Variants in FILIP1 observed in about 807,000 individuals in gnomAD.
The protein encoded by FILIP1 is filamin A interacting protein 1, also known as filamin-A-interacting protein 1.
Under a neutral mutation model 102.1 loss-of-function variants are expected in FILIP1, and 61 were observed. That is an observed-to-expected ratio of 0.60 (90% confidence interval 0.49 to 0.74). FILIP1 has a LOEUF of 0.74. FILIP1 is among the 30% of genes least tolerant of loss of function. The probability of loss-of-function intolerance (pLI) is 0.00; values close to 1 mark genes in which losing one functional copy is unlikely to be tolerated. For synonymous variants in FILIP1, 491 were observed against 526.9 expected (o/e 0.93, Z 0.93); for missense variants, 1,314 against 1,441.2 (o/e 0.91, Z 1.43).
Position 75,314,732 on chromosome 6 carries a change from G to A in FILIP1, c.1100C>T (p.Ala367Val), listed in dbSNP as rs770077609. ...EELQELRDKI[A>V]KGECGNSSLM... Reference sequence around the variant, plus strand: ...GCTAGAGTTTCCACATTCTCCTTTGGCAATTTTATCTCTTAATTCTTGAAG... The same window carrying A: ...GCTAGAGTTTCCACATTCTCCTTTGACAATTTTATCTCTTAATTCTTGAAG... Residue 367 changes from alanine (A) to valine (V), a missense_variant, in exon 5 of 6, where the codon GCC becomes GTC. Ala to Val is a moderately conservative substitution (Grantham distance 64). This residue lies in a region of FILIP1 where 494 missense variants were observed against 511.2 expected (regional missense o/e 0.97). Transcript: ENST00000237172. 5.6e-6 allele frequency: 9 copies of A among 1,613,948 alleles called. No homozygotes were observed. The highest frequency in any genetic ancestry group is 7.6e-6 in the Non-Finnish European group (9 of 1,180,016).
intron 2 of FILIP1, among the ~76,000 whole-genome samples, chr6:75,388,006 A>G (rs890214087): frequency 6.6e-6 from 1 of 152,144 alleles, no homozygotes; most frequent in African/African-American, 2.4e-5. Flanking sequence ...TAGGGTTTTT[A>G]TGGTTTTAGA....
At chr6:75,429,059 T>C (rs752291177) in intron 1 of FILIP1, among the ~76,000 whole-genome samples, 9 of 149,812 alleles carry the variant, frequency 6.0e-5, no homozygotes, top group South Asian at 2.1e-4. Flanking sequence ...TTTATTACTA[T>C]GTTTGCACTA....
Position 75,469,346 on chromosome 6 carries a change from G to A in FILIP1, c.-7+24068C>T, listed in dbSNP as rs146201152. 7.8e-4 allele frequency among the ~76,000 whole-genome samples: 119 copies of A among 152,038 alleles called. 1 individual carries two copies. The highest frequency in any genetic ancestry group is 7.2e-4 in the Non-Finnish European group (49 of 67,900). ...TCAAGTGCTAATTGAATAGCATTTA[G>A]TAGAAAAACACAAATACAATTTATA... On this transcript the variant is annotated intron_variant, in intron 1 of 5. Coordinates refer to ENST00000237172, the MANE Select transcript of FILIP1 (RefSeq NM_015687.5).
chr6:75,411,948 T>G (rs895985078), intron 2 of FILIP1, among the ~76,000 whole-genome samples: 4 of 152,188 alleles, frequency 2.6e-5, no homozygotes, highest in African/African-American at 9.7e-5. Context: ...TCTAATTCTG[T>G]GGAGAAAGTC....
chr6:75,334,243 T>C (rs1774169742), intron 4 of FILIP1, among the ~76,000 whole-genome samples: 1 of 152,154 alleles, frequency 6.6e-6, no homozygotes, highest in Admixed American at 6.6e-5. Context: ...GATTTTTCAG[T>C]TCTGGTACAA....
intron 2 of FILIP1, among the ~76,000 whole-genome samples, chr6:75,403,674 T>C (rs1776738670): frequency 6.6e-6 from 1 of 152,116 alleles, no homozygotes. Flanking sequence ...GGAAAAAATG[T>C]AGAGACTGCC....
intron 2 of FILIP1, among the ~76,000 whole-genome samples, chr6:75,367,158 C>T (rs1191077082): frequency 6.6e-6 from 1 of 152,146 alleles, no homozygotes; most frequent in East Asian, 1.9e-4. Flanking sequence ...CCCCGAAATA[C>T]ACTTTTGCTT....
chr6:75,321,899 A>C (rs1773677352), intron 4 of FILIP1, among the ~76,000 whole-genome samples: 1 of 152,230 alleles, frequency 6.6e-6, no homozygotes, highest in Non-Finnish European at 1.5e-5. Flanking sequence ...AAATGCCCAA[A>C]AATGAGAGAT....
intron 1 of FILIP1, among the ~76,000 whole-genome samples, chr6:75,421,759 T>C (rs2951925): frequency 0.7 from 105,700 of 152,048 alleles, 37,491 homozygotes; most frequent in African/African-American, 0.84. Context: ...AGAGTGCAAA[T>C]AACTTTGCAT....
Position 75,349,728 on chromosome 6 carries a change from C to T in FILIP1, c.629+3811G>A, listed in dbSNP as rs530700476. ...CTGCAGGTGCTGTGGCCGCGTTGCG[C>T]CTCGGCGGGAGCCTCCTGGAGAGGC... On this transcript the variant is annotated intron_variant, in intron 4 of 5. Transcript: ENST00000237172. Among the ~76,000 whole-genome samples the T allele has an allele frequency of 2.0e-5, 3 of 152,318 alleles. No individual in the cohort carries two copies. The South Asian group carries it at 6.2e-4, about 32-fold the overall frequency.
At chr6:75,370,025 T>C (rs1020806678) in intron 2 of FILIP1, among the ~76,000 whole-genome samples, 1 of 152,234 alleles carries the variant, frequency 6.6e-6, no homozygotes, top group African/African-American at 2.4e-5. Context: ...CTTTAAATGA[T>C]AGATCCATTT....
Position 75,313,352 on chromosome 6 carries a change from G to C in FILIP1, c.2480C>G (p.Ser827Cys), listed in dbSNP as rs573177009. The C allele has an allele frequency of 1.2e-6, 2 of 1,614,198 alleles. No homozygotes were observed. The highest frequency in any genetic ancestry group is 1.7e-5 in the Admixed American group (1 of 60,026). The change falls in exon 5 of 6, where the codon TCC becomes TGC. Residue 827 changes from serine to cysteine, a missense_variant. Physicochemically the swap from Ser to Cys is moderately radical, Grantham distance 112. Coordinates refer to ENST00000237172, the MANE Select transcript of FILIP1 (RefSeq NM_015687.5). This position sits in a 1 kb window ranked among gnomAD's most constrained non-coding sequence, Gnocchi z 4.2. ...CATAATATGATTTTCTTCCTGGAAG[G>C]ATTTCCGTATGAATACAGCTGGCGT... is the stretch of plus-strand genomic sequence containing the variant. ...EETPAVFIRK[S>C]FQEENHIMSN...
chr6:75,342,102 A>G (rs1233723071), intron 4 of FILIP1, among the ~76,000 whole-genome samples: 1 of 152,242 alleles, frequency 6.6e-6, no homozygotes, highest in Admixed American at 6.5e-5. Flanking sequence ...ACAGACCACA[A>G]GTGATAGACT....
intron 2 of FILIP1, chr6:75,384,760 CAG>C (rs1028061529): frequency 1.3e-5 from 2 of 149,318 alleles, no homozygotes; most frequent in African/African-American, 4.9e-5. Flanking sequence ...TTTATAGAAT[CAG>C]AATAATTTAG....
chr6:75,469,410 TCAATC>T (rs997115638), intron 1 of FILIP1, among the ~76,000 whole-genome samples: 65 of 151,998 alleles, frequency 4.3e-4, no homozygotes, highest in African/African-American at 1.5e-3. Flanking sequence ...GAAAATAAAA[TCAATC>T]CAACAAAGAC....
At chr6:75,475,988 C>A (rs1460828428) in intron 1 of FILIP1, among the ~76,000 whole-genome samples, 1 of 152,088 alleles carries the variant, frequency 6.6e-6, no homozygotes, top group East Asian at 1.9e-4. Context: ...CACCTATAAT[C>A]CCAGCACTTT....
intron 1 of FILIP1, among the ~76,000 whole-genome samples, chr6:75,444,063 A>G (rs1778362231): frequency 6.6e-6 from 1 of 152,236 alleles, no homozygotes; most frequent in South Asian, 2.1e-4. Context: ...AAGGCAAATA[A>G]TGGTAAACAC....
intron 4 of FILIP1, among the ~76,000 whole-genome samples, chr6:75,332,355 T>G (rs1209827904): frequency 6.6e-6 from 1 of 152,218 alleles, no homozygotes; most frequent in Non-Finnish European, 1.5e-5. Flanking sequence ...CTATTCTTTC[T>G]TTTTGATAAT....
intron 2 of FILIP1, among the ~76,000 whole-genome samples, chr6:75,378,663 A>T (rs1227634973): frequency 6.6e-6 from 1 of 152,174 alleles, no homozygotes; most frequent in Non-Finnish European, 1.5e-5. Flanking sequence ...CAAACAACTA[A>T]TGCACGTGAA....
Sources: gnomAD v4.1 joint callset for allele counts (sites outside exome capture counted in the v4.1 genomes callset) on GRCh38, gnomAD v4.1.1 for gene constraint, gnomAD v4.1.1 regional missense constraint, Gnocchi (gnomAD v3.1) non-coding constraint, MANE v1.5 for transcripts, NCBI Gene and HGNC (gene_info 2026-07-23, HGNC 2026-07-21) for gene names.